Variants in PPM1B observed in about 807,000 individuals in gnomAD.
PPM1B encodes the protein protein phosphatase, Mg2+/Mn2+ dependent 1B.
PPM1B carries 22 observed loss-of-function variants against 43.0 expected under a neutral mutation model. The observed-to-expected ratio is 0.51, with a 90% CI of 0.37 to 0.73. The LOEUF (loss-of-function observed/expected upper bound fraction) is 0.73, where lower values mean the gene tolerates loss of function less well. Among genes scored for constraint, PPM1B ranks in the 30% least tolerant of loss-of-function variants. PPM1B has a pLI of 0.00. For synonymous variants in PPM1B, 217 were observed against 197.9 expected, an observed-to-expected ratio of 1.10 and a Z score of -0.81; for missense variants, 632 against 584.2, an observed-to-expected ratio of 1.08 and a Z score of -0.84.
Position 44,207,493 on chromosome 2 carries a change from G to C in PPM1B, c.847-1717G>C, listed in dbSNP as rs78821874. ...TCCTGCTCTTAGAAACTCAGTTAAA[G>C]TAATATACCTTTAGAAAAAGTAATG... On this transcript the variant is annotated intron_variant, in intron 2 of 5. Coordinates refer to ENST00000282412, the MANE Select transcript of PPM1B (RefSeq NM_002706.6). Among the ~76,000 whole-genome samples, 552 of 152,174 alleles carry C rather than the reference G, an allele frequency of 3.6e-3. 2 individuals are homozygous for C. Among genetic ancestry groups the C allele is most frequent in the African/African-American group, 0.013 (532 of 41,524 alleles).
intron 1 of PPM1B, among the ~76,000 whole-genome samples, chr2:44,169,559 AT>A (rs1326483345): frequency 6.6e-6 from 1 of 152,138 alleles, no homozygotes; most frequent in Admixed American, 6.5e-5. Context: ...AAGCTGACTG[AT>A]TCTCTCTTCC....
At chr2:44,199,901 A>T (rs1668852942) in intron 1 of PPM1B, among the ~76,000 whole-genome samples, 1 of 152,154 alleles carries the variant, frequency 6.6e-6, no homozygotes, top group Admixed American at 6.5e-5. Context: ...TTAAATGGCG[A>T]TATGTAATTT....
At position 44,230,657 on chromosome 2, in the gene PPM1B, T is replaced by C. The variant is rs373432819; in HGVS notation, c.1379T>C (p.Leu460Pro). 1.8e-5 allele frequency: 29 copies of C among 1,614,036 alleles called. No homozygotes were observed. The highest frequency in any genetic ancestry group is 2.7e-5 in the African/African-American group (2 of 74,922). ...QESHTESESG[L>P]AELDSSNEDA... ...AGCCATACTGAATCAGAAAGTGGTC[T>C]TGCTGAATTAGACAGCTCTAATGAA... The change falls in exon 6 of 6, where the codon CTT becomes CCT. Residue 460 changes from leucine (L) to proline (P), a missense_variant. Around this residue, in one of 3 missense-constraint regions of PPM1B, gnomAD observed 392 missense variants for 302.7 expected, o/e 1.29. Coordinates refer to ENST00000282412, the MANE Select transcript of PPM1B (RefSeq NM_002706.6).
chr2:44,190,434 CAGGCGTGA>C (rs1259977290), intron 1 of PPM1B, among the ~76,000 whole-genome samples: 4 of 152,192 alleles, frequency 2.6e-5, no homozygotes, highest in African/African-American at 9.7e-5. Context: ...GTTGGGATTA[CAGGCGTGA>C]GCCACTGTGC....
chr2:44,238,254 A>G (rs1670670477), downstream of PPM1B, among the ~76,000 whole-genome samples: 1 of 152,180 alleles, frequency 6.6e-6, no homozygotes, highest in Non-Finnish European at 1.5e-5. Context: ...GATATAGAGT[A>G]CCATGGGGTT....
intron 3 of PPM1B, among the ~76,000 whole-genome samples, chr2:44,213,131 T>C (rs1319457868): frequency 6.7e-6 from 1 of 150,170 alleles, no homozygotes; most frequent in Non-Finnish European, 1.5e-5. Flanking sequence ...TCTTTTCCAC[T>C]TTCAACCCTG....
At chr2:44,188,874 C>G (rs940245121) in intron 1 of PPM1B, among the ~76,000 whole-genome samples, 1 of 143,474 alleles carries the variant, frequency 7.0e-6, no homozygotes, top group Non-Finnish European at 1.5e-5. Context: ...CACATAGCAA[C>G]AGAGGAAGCA....
At chr2:44,172,221 G>T (rs1325570677) in intron 1 of PPM1B, among the ~76,000 whole-genome samples, 1 of 151,866 alleles carries the variant, frequency 6.6e-6, no homozygotes, top group East Asian at 1.9e-4. Flanking sequence ...TTTTTCCCTT[G>T]CTGAATTAAT....
At chr2:44,200,315 A>G (rs927973255) in intron 1 of PPM1B, among the ~76,000 whole-genome samples, 2 of 152,208 alleles carry the variant, frequency 1.3e-5, no homozygotes, top group Non-Finnish European at 2.9e-5. Context: ...TTTGGGAACC[A>G]TTACTCTAAG....
intron 1 of PPM1B, among the ~76,000 whole-genome samples, chr2:44,180,762 C>T (rs1667837164): frequency 6.6e-6 from 1 of 151,856 alleles, no homozygotes; most frequent in African/African-American, 2.4e-5. Context: ...AGGCGTGGGG[C>T]ACCATACCTG....
intron 1 of PPM1B, among the ~76,000 whole-genome samples, chr2:44,196,245 C>G (rs957607545): frequency 6.6e-6 from 1 of 152,162 alleles, no homozygotes; most frequent in African/African-American, 2.4e-5. Context: ...TTGGCTGTGG[C>G]AGTTTCTCAG....
At chr2:44,238,710 GAAAA>G (rs200252877), downstream of PPM1B, among the ~76,000 whole-genome samples, 1 of 139,360 alleles carries the variant, frequency 7.2e-6, no homozygotes, top group Non-Finnish European at 1.6e-5. Context: ...TCAAAAAAAG[GAAAA>G]AAAAAAACAT....
chr2:44,205,354 G>GGTGTGTGTGTGTGTGTGTGTGT (rs3074507), intron 2 of PPM1B, among the ~76,000 whole-genome samples: 1 of 91,720 alleles, frequency 1.1e-5, no homozygotes, highest in Non-Finnish European at 2.6e-5. Flanking sequence ...TGTGGGTGTG[G>GGTGTGTGTGTGTGTGTGTGTGT]GTGTGTGTGT....
chr2:44,171,416 A>G (rs1029391603), intron 1 of PPM1B, among the ~76,000 whole-genome samples: 24 of 152,336 alleles, frequency 1.6e-4, no homozygotes, highest in African/African-American at 5.1e-4. Context: ...TATCTTTTCT[A>G]TAACAAACAT....
intron 1 of PPM1B, among the ~76,000 whole-genome samples, chr2:44,170,992 T>C (rs960671540): frequency 1.3e-5 from 2 of 151,794 alleles, no homozygotes; most frequent in African/African-American, 4.9e-5. Context: ...CCTCTTCATT[T>C]GTTTTTGCTC....
intron 1 of PPM1B, among the ~76,000 whole-genome samples, chr2:44,180,308 A>C (rs572109831): frequency 1.3e-5 from 2 of 152,316 alleles, no homozygotes; most frequent in African/African-American, 4.8e-5. Flanking sequence ...CTACAGGGAT[A>C]GACTGACTTT....
At chr2:44,216,399 A>G (rs942243109) in intron 3 of PPM1B, among the ~76,000 whole-genome samples, 10 of 152,150 alleles carry the variant, frequency 6.6e-5, no homozygotes, top group Non-Finnish European at 1.2e-4. Flanking sequence ...GGTGTTGTTG[A>G]TGTTGAGAAG....
At chr2:44,243,230 C>A (rs1670788834) in intron 5 of PPM1B, among the ~76,000 whole-genome samples, 1 of 152,096 alleles carries the variant, frequency 6.6e-6, no homozygotes. Flanking sequence ...AGAGAGCTCT[C>A]CTTGGTCAAA....
downstream of PPM1B, chr2:44,233,982 C>G: frequency 1.0e-6 from 1 of 985,184 alleles, no homozygotes; most frequent in Non-Finnish European, 1.2e-6. Context: ...ATAGTACTTC[C>G]CAGTATGATA....
Sources: allele counts gnomAD v4.1 joint callset (sites outside exome capture counted in the v4.1 genomes callset), GRCh38; gene constraint gnomAD v4.1.1; regional missense constraint gnomAD v4.1.1; transcripts MANE v1.5; gene names NCBI Gene and HGNC (gene_info 2026-07-23, HGNC 2026-07-21).